The following NXPE2 variants were observed in gnomAD, a reference collection of about 807,000 sequenced individuals.
NXPE2 encodes the protein NXPE family member 2.
Under a neutral mutation model 34.4 loss-of-function variants are expected in NXPE2, and 34 were observed. The ratio of observed to expected loss-of-function variants is 0.99; its 90% CI spans 0.75 to 1.31. The LOEUF is 1.31. Ranked by LOEUF, NXPE2 falls within the 40% of genes most tolerant of loss-of-function variation. The pLI is 0.00. For synonymous variants in NXPE2, 235 were observed against 231.3 expected (o/e 1.02, Z -0.15); for missense variants, 649 against 672.5 (o/e 0.97, Z 0.39).
the NXPE2 span, among the ~76,000 whole-genome samples, chr11:114,663,356 T>G: frequency 6.6e-6 from 1 of 152,150 alleles, no homozygotes; most frequent in Admixed American, 6.6e-5. Flanking sequence ...TCTGGATTGG[T>G]GGGCCCTCTT....
chr11:114,739,227 T>A, the NXPE2 span, among the ~76,000 whole-genome samples: 19,196 of 151,924 alleles, frequency 0.13, 1,530 homozygotes, highest in African/African-American at 0.22. Flanking sequence ...TAGCTTGTGC[T>A]GAGCAGTTCA....
the NXPE2 span, among the ~76,000 whole-genome samples, chr11:114,625,371 G>A: frequency 2.6e-5 from 4 of 152,222 alleles, no homozygotes; most frequent in African/African-American, 9.6e-5. Context: ...TGCCTCTTGG[G>A]TAACCACTGT....
At chr11:114,532,954 T>A in the NXPE2 span, among the ~76,000 whole-genome samples, 2 of 152,224 alleles carry the variant, frequency 1.3e-5, no homozygotes, top group African/African-American at 4.8e-5. Flanking sequence ...AAGGATTTGA[T>A]GTATTTCAAC....
chr11:114,810,882 T>G, the NXPE2 span, among the ~76,000 whole-genome samples: 1 of 152,068 alleles, frequency 6.6e-6, no homozygotes, highest in Non-Finnish European at 1.5e-5. Context: ...TAAAGACACA[T>G]GCACACATAT....
chr11:114,597,506 A>C, the NXPE2 span, among the ~76,000 whole-genome samples: 438 of 152,326 alleles, frequency 2.9e-3, 1 homozygote, highest in African/African-American at 0.01. Context: ...TTTTTGATGG[A>C]TAAATATGCA....
chr11:114,603,384 A>G, the NXPE2 span, among the ~76,000 whole-genome samples: 33 of 130,130 alleles, frequency 2.5e-4, no homozygotes, highest in Middle Eastern at 4.5e-3. Context: ...GTATTTCCTC[A>G]TCTCCTAGGT....
the NXPE2 span, among the ~76,000 whole-genome samples, chr11:114,721,441 T>G: frequency 6.6e-6 from 1 of 152,162 alleles, no homozygotes; most frequent in Non-Finnish European, 1.5e-5. Flanking sequence ...AACCTGCTGC[T>G]GTTTCTTGTC....
At chr11:114,582,389 A>G in the NXPE2 span, 1 of 1,614,238 alleles carries the variant, frequency 6.2e-7, no homozygotes, top group East Asian at 2.2e-5. Context: ...GAGGCCTCAC[A>G]CAGTAGAAGC....
chr11:114,761,065 C>T, the NXPE2 span, among the ~76,000 whole-genome samples: 9 of 152,264 alleles, frequency 5.9e-5, no homozygotes, highest in African/African-American at 1.9e-4. Context: ...GGGACTCCTA[C>T]GGTGCATTGT....
At chr11:114,707,476 C>T (rs532166144), downstream of NXPE2, 192 of 366,832 alleles carry the variant, frequency 5.2e-4, 2 homozygotes, top group African/African-American at 3.6e-3. Flanking sequence ...CTCATTGCAA[C>T]CTCTGCCTCC....
At chr11:114,808,007 T>G in the NXPE2 span, among the ~76,000 whole-genome samples, 1 of 152,206 alleles carries the variant, frequency 6.6e-6, no homozygotes, top group East Asian at 1.9e-4. Flanking sequence ...CAGACCACAG[T>G]GCAATCAAAC....
At chr11:114,640,793 A>G in the NXPE2 span, among the ~76,000 whole-genome samples, 2 of 151,968 alleles carry the variant, frequency 1.3e-5, no homozygotes, top group African/African-American at 2.4e-5. Flanking sequence ...CTCACTTTAT[A>G]ATAGAACTAT....
At chr11:114,671,847 A>G in the NXPE2 span, among the ~76,000 whole-genome samples, 1 of 151,970 alleles carries the variant, frequency 6.6e-6, no homozygotes, top group Admixed American at 6.6e-5. Context: ...TGAATACACA[A>G]ACAGACACAC....
At chr11:114,559,449 C>T in the NXPE2 span, among the ~76,000 whole-genome samples, 1 of 152,186 alleles carries the variant, frequency 6.6e-6, no homozygotes. Flanking sequence ...CCTTCTTCCT[C>T]TCTCCAACTA....
chr11:114,528,400 G>A, the NXPE2 span, among the ~76,000 whole-genome samples: 1 of 152,176 alleles, frequency 6.6e-6, no homozygotes, highest in African/African-American at 2.4e-5. Context: ...AAGGAATCCA[G>A]CCTTTTTGGG....
At chr11:114,602,461 T>A in the NXPE2 span, among the ~76,000 whole-genome samples, 2 of 134,954 alleles carry the variant, frequency 1.5e-5, no homozygotes, top group African/African-American at 5.3e-5. Flanking sequence ...TTATAAATAA[T>A]ATATAAATTA....
chr11:114,522,520 T>G, the NXPE2 span: 40 of 1,547,634 alleles, frequency 2.6e-5, no homozygotes, highest in Non-Finnish European at 3.5e-5. Context: ...AAAAAACAAA[T>G]AGATGTTTTA....
the NXPE2 span, among the ~76,000 whole-genome samples, chr11:114,568,308 T>G: frequency 2.0e-5 from 3 of 152,104 alleles, no homozygotes; most frequent in Admixed American, 6.5e-5. Flanking sequence ...TTCAATACCT[T>G]TTATCCTTCC....
the NXPE2 span, among the ~76,000 whole-genome samples, chr11:114,811,949 A>G: frequency 5.9e-5 from 9 of 152,212 alleles, no homozygotes; most frequent in Non-Finnish European, 1.0e-4. Context: ...TAAATTAACT[A>G]TCGCATGCTT....
Sources: allele counts gnomAD v4.1 joint callset (sites outside exome capture counted in the v4.1 genomes callset), GRCh38; gene constraint gnomAD v4.1.1; transcripts MANE v1.5; gene names NCBI Gene and HGNC (gene_info 2026-07-23, HGNC 2026-07-21).